MYO3B: variants seen among roughly 807,000 people sequenced by gnomAD.
MYO3B encodes myosin IIIB, also known as myosin-IIIb.
Under a neutral mutation model 174.6 loss-of-function variants are expected in MYO3B, and 156 were observed. The observed-to-expected ratio is 0.89, with a 90% CI of 0.78 to 1.02. MYO3B has a LOEUF of 1.02. Ranked by LOEUF, MYO3B falls within the 50% of genes least tolerant of loss-of-function variation. The pLI, the probability that MYO3B is intolerant of heterozygous loss-of-function variation, is 0.00. For missense variants in MYO3B, 1,632 were observed against 1,639.4 expected, an observed-to-expected ratio of 1.00 and a Z score of 0.08; for synonymous variants, 563 against 569.1, an observed-to-expected ratio of 0.99 and a Z score of 0.15.
intron 32 of MYO3B, among the ~76,000 whole-genome samples, chr2:170,614,033 T>C (rs1296097039): frequency 1.3e-5 from 2 of 152,056 alleles, no homozygotes; most frequent in South Asian, 2.1e-4. Flanking sequence ...CCCACTCCCA[T>C]CCCCTTCTGC....
chr2:170,567,082 A>G (rs1692117954), intron 32 of MYO3B, among the ~76,000 whole-genome samples: 1 of 152,206 alleles, frequency 6.6e-6, no homozygotes, highest in East Asian at 1.9e-4. Flanking sequence ...CCTTCTGTGG[A>G]AACAACAATT....
intron 32 of MYO3B, among the ~76,000 whole-genome samples, chr2:170,572,315 C>A (rs1692488285): frequency 6.6e-6 from 1 of 151,990 alleles, no homozygotes; most frequent in African/African-American, 2.4e-5. Flanking sequence ...ATAATCCCAG[C>A]TACTCAGGAG....
At chr2:170,502,683 A>G (rs140952464) in intron 28 of MYO3B, among the ~76,000 whole-genome samples, 14 of 152,322 alleles carry the variant, frequency 9.2e-5, no homozygotes, top group Admixed American at 4.6e-4. Flanking sequence ...CAGGCCCCTG[A>G]GCTCCAGGAG....
intron 22 of MYO3B, among the ~76,000 whole-genome samples, chr2:170,437,114 A>G (rs1472068856): frequency 3.9e-5 from 6 of 152,146 alleles, no homozygotes; most frequent in Non-Finnish European, 8.8e-5. Flanking sequence ...GGCTTTGAGA[A>G]GTCAACTTGT....
intron 28 of MYO3B, 80 bp downstream of exon 28, chr2:170,501,945 G>C: frequency 3.0e-6 from 3 of 1,014,840 alleles, no homozygotes; most frequent in Non-Finnish European, 4.5e-6. Flanking sequence ...AAGCTGAAAG[G>C]TTAATAATTC....
Position 170,444,047 on chromosome 2 carries a change from G to T in MYO3B, c.2730+1G>T. On this transcript the variant is annotated splice_donor_variant, in intron 23 of 34. Coordinates refer to ENST00000408978, the MANE Select transcript of MYO3B (RefSeq NM_138995.5). LOFTEE classifies it high-confidence loss of function. ...ACATTTCAGTGCTGGGAAAGCCAAG[G>T]TGAGTAACAGATTTGCACCAAATAT... is the stretch of plus-strand genomic sequence containing the variant. 3 of 1,612,198 alleles carry T rather than the reference G, an allele frequency of 1.9e-6. No individual in the cohort carries two copies. The highest frequency in any genetic ancestry group is 2.5e-6 in the Non-Finnish European group (3 of 1,178,576).
chr2:170,227,048 C>T (rs1296010790), intron 6 of MYO3B, among the ~76,000 whole-genome samples: 1 of 152,154 alleles, frequency 6.6e-6, no homozygotes, highest in Non-Finnish European at 1.5e-5. Context: ...GCCTCCACTG[C>T]CCTGTTCTGG....
At chr2:170,596,799 C>G (rs1465042112) in intron 32 of MYO3B, among the ~76,000 whole-genome samples, 4 of 152,190 alleles carry the variant, frequency 2.6e-5, no homozygotes, top group African/African-American at 9.6e-5. Flanking sequence ...AGCCATTGTT[C>G]TTAACGCACA....
chr2:170,295,864 T>TA (rs747033615), intron 7 of MYO3B, among the ~76,000 whole-genome samples: 34 of 152,206 alleles, frequency 2.2e-4, no homozygotes, highest in Non-Finnish European at 3.5e-4. Context: ...TTTCTCTTGG[T>TA]ATGTTGAATA....
chr2:170,316,345 A>C (rs2093775357), intron 7 of MYO3B, among the ~76,000 whole-genome samples: 1 of 152,216 alleles, frequency 6.6e-6, no homozygotes, highest in Non-Finnish European at 1.5e-5. Context: ...TGAAGTTCTT[A>C]AAATGGTCTT....
intron 25 of MYO3B, among the ~76,000 whole-genome samples, chr2:170,487,514 G>A (rs1276681235): frequency 6.6e-6 from 1 of 152,174 alleles, no homozygotes; most frequent in Non-Finnish European, 1.5e-5. Flanking sequence ...GTGGTGAATG[G>A]TGACAACATG....
At chr2:170,318,420 T>C (rs992370717) in intron 7 of MYO3B, among the ~76,000 whole-genome samples, 2 of 152,196 alleles carry the variant, frequency 1.3e-5, no homozygotes, top group Admixed American at 6.5e-5. Context: ...TTGTAGTCAA[T>C]GCAGATCCAG....
At chr2:170,289,980 A>T (rs944715424) in intron 7 of MYO3B, among the ~76,000 whole-genome samples, 10 of 152,026 alleles carry the variant, frequency 6.6e-5, no homozygotes, top group Non-Finnish European at 1.3e-4. Context: ...CACATTGTTT[A>T]ATTTGTATGT....
At chr2:170,468,915 C>T (rs549675355) in intron 25 of MYO3B, among the ~76,000 whole-genome samples, 170 of 152,198 alleles carry the variant, frequency 1.1e-3, no homozygotes, top group Non-Finnish European at 2.2e-3. Context: ...AATCCTAGCA[C>T]TTTGGGAGGC....
At chr2:170,281,080 T>A (rs1018179094) in intron 7 of MYO3B, among the ~76,000 whole-genome samples, 6 of 152,232 alleles carry the variant, frequency 3.9e-5, no homozygotes, top group Admixed American at 1.3e-4. Context: ...ATGGCCATTT[T>A]AATCATATTG....
At position 170,654,342 on chromosome 2, in the gene MYO3B, T is replaced by C. The variant is rs1699172832; in HGVS notation, c.*1221T>C. ...TTCTTACTCTAAAATATGTGGTAGA[T>C]AGTATGCAAGAAAAGCCGGGTGCGG... On this transcript the variant is annotated 3_prime_UTR_variant, in exon 35 of 35. Coordinates refer to ENST00000408978, the MANE Select transcript of MYO3B (RefSeq NM_138995.5). 6.6e-6 allele frequency: 1 copy of C among 152,078 alleles called. No individual in the cohort carries two copies. The highest frequency in any genetic ancestry group is 1.5e-5 in the Non-Finnish European group (1 of 68,016). 9.4% of individuals were successfully genotyped at this position (152,078 alleles called of 1,614,324 possible).
chr2:170,416,951 G>A (rs1434745678), intron 22 of MYO3B, among the ~76,000 whole-genome samples: 3 of 151,146 alleles, frequency 2.0e-5, no homozygotes, highest in East Asian at 1.9e-4. Context: ...TCAGCCTCCC[G>A]AGTAGCTGGG....
intron 25 of MYO3B, among the ~76,000 whole-genome samples, chr2:170,497,042 A>G (rs6753558): frequency 0.44 from 66,398 of 152,094 alleles, 15,465 homozygotes; most frequent in East Asian, 0.55. Flanking sequence ...CAAATATGGC[A>G]CTGTAGCATT....
intron 22 of MYO3B, among the ~76,000 whole-genome samples, chr2:170,422,506 T>C (rs1197983558): frequency 6.6e-6 from 1 of 151,638 alleles, no homozygotes; most frequent in Non-Finnish European, 1.5e-5. Context: ...TTGCCCAGGC[T>C]GGAGTGCAGT....
Sources: allele counts gnomAD v4.1 joint callset (sites outside exome capture counted in the v4.1 genomes callset), GRCh38; gene constraint gnomAD v4.1.1; transcripts MANE v1.5; gene names NCBI Gene and HGNC (gene_info 2026-07-23, HGNC 2026-07-21).